Variants in SEPTIN11 observed in about 807,000 individuals in gnomAD.
The protein encoded by SEPTIN11 is septin-11.
Under a neutral mutation model 51.4 loss-of-function variants are expected in SEPTIN11, and 25 were observed. The ratio of observed to expected loss-of-function variants is 0.49; its 90% CI spans 0.35 to 0.68. The LOEUF (loss-of-function observed/expected upper bound fraction) is 0.68, where lower values mean the gene tolerates loss of function less well. Among genes scored for constraint, SEPTIN11 ranks in the 30% least tolerant of loss-of-function variants. The pLI is 0.00. For missense variants in SEPTIN11, 381 were observed against 520.8 expected, an observed-to-expected ratio of 0.73 and a Z score of 2.61; for synonymous variants, 174 against 184.1, an observed-to-expected ratio of 0.95 and a Z score of 0.44.
intron 1 of SEPTIN11, among the ~76,000 whole-genome samples, chr4:76,950,666 G>A (rs1314525516): frequency 6.6e-6 from 1 of 152,136 alleles, no homozygotes; most frequent in Non-Finnish European, 1.5e-5. Flanking sequence ...AGGGAGGAGA[G>A]TAGGAGGGAG....
chr4:77,028,865 G>T, intron 8 of SEPTIN11, 104 bp downstream of exon 8: 2 of 1,272,864 alleles, frequency 1.6e-6, no homozygotes, highest in Non-Finnish European at 2.1e-6. Context: ...CTTTCTACAT[G>T]CATTTTGTCA....
At chr4:77,021,423 C>G (rs1410824187) in intron 7 of SEPTIN11, 1 of 152,632 alleles carries the variant, frequency 6.6e-6, no homozygotes, top group African/African-American at 2.4e-5. Context: ...AGGTTCACCA[C>G]CTCCTGGTCG....
intron 7 of SEPTIN11, among the ~76,000 whole-genome samples, chr4:77,025,544 C>CA (rs200938790): frequency 0.063 from 8,294 of 131,222 alleles, 286 homozygotes; most frequent in East Asian, 0.17. Context: ...GAACCTGTCT[C>CA]AAAAAAAAAA....
intron 2 of SEPTIN11, among the ~76,000 whole-genome samples, chr4:76,997,079 G>A (rs1723780725): frequency 6.6e-6 from 1 of 151,940 alleles, no homozygotes; most frequent in Non-Finnish European, 1.5e-5. Flanking sequence ...ACTAAGAAGA[G>A]GAAGGTGGAA....
intron 1 of SEPTIN11, among the ~76,000 whole-genome samples, chr4:76,956,680 C>G (rs537837708): frequency 6.6e-6 from 1 of 152,258 alleles, no homozygotes; most frequent in Admixed American, 6.5e-5. Flanking sequence ...TGGGTCACTT[C>G]CATGCAGATT....
At chr4:77,032,276 G>A (rs529755766) in intron 9 of SEPTIN11, 4 of 152,338 alleles carry the variant, frequency 2.6e-5, no homozygotes, top group Admixed American at 2.6e-4. Flanking sequence ...AATTGAAATG[G>A]TTGTGATTTT....
At chr4:76,978,639 C>T (rs575087527) in intron 1 of SEPTIN11, among the ~76,000 whole-genome samples, 58 of 152,288 alleles carry the variant, frequency 3.8e-4, no homozygotes, top group Admixed American at 3.6e-3. Context: ...GGAATAATAA[C>T]GGTGCACACC....
intron 1 of SEPTIN11, among the ~76,000 whole-genome samples, chr4:76,981,689 G>A (rs1236317390): frequency 6.6e-6 from 1 of 152,118 alleles, no homozygotes; most frequent in African/African-American, 2.4e-5. Context: ...TAGAATGGCT[G>A]AACTTGTAGC....
chr4:77,038,213 A>AT lies in SEPTIN11; in HGVS notation c.*3707dup. On this transcript the variant is annotated 3_prime_UTR_variant, in exon 10 of 10. Coordinates refer to ENST00000264893, the MANE Select transcript of SEPTIN11 (RefSeq NM_018243.4). Reference sequence around the variant, plus strand: ...TAGTTTGTATGTAGGTATGAAGGGAATTTTTTAAATAAATTGAAAAGCTGT... The same window carrying AT: ...TAGTTTGTATGTAGGTATGAAGGGAATTTTTTTAAATAAATTGAAAAGCTGT... 2.0e-6 allele frequency: 2 copies of AT among 985,696 alleles called. No homozygotes were observed. Among genetic ancestry groups the AT allele is most frequent in the Non-Finnish European group, 2.4e-6 (2 of 829,770 alleles). The allele number at this position is 985,696 out of a possible 1,614,324, so 61.1% of individuals were successfully genotyped here. A position where few individuals can be genotyped will look rare whatever the true frequency, so the allele number is the denominator to read the frequency against.
chr4:76,983,961 C>T (rs754735585), intron 1 of SEPTIN11, among the ~76,000 whole-genome samples: 4 of 151,984 alleles, frequency 2.6e-5, no homozygotes, highest in African/African-American at 4.8e-5. Context: ...GAGCCGAGAT[C>T]GCGCTATTGC....
chr4:76,977,192 C>G (rs774271036), intron 1 of SEPTIN11, among the ~76,000 whole-genome samples: 2 of 151,158 alleles, frequency 1.3e-5, no homozygotes, highest in Non-Finnish European at 2.9e-5. Context: ...AATGCTCTCC[C>G]CTTTGTTACA....
At chr4:77,000,845 A>C (rs1004507496) in intron 2 of SEPTIN11, among the ~76,000 whole-genome samples, 1 of 152,208 alleles carries the variant, frequency 6.6e-6, no homozygotes, top group African/African-American at 2.4e-5. Context: ...ATGAGGAACA[A>C]GAACAACGCA....
At chr4:76,994,847 G>A (rs1293092347) in intron 1 of SEPTIN11, among the ~76,000 whole-genome samples, 1 of 145,276 alleles carries the variant, frequency 6.9e-6, no homozygotes. Flanking sequence ...CATAAAAATA[G>A]GATGATGAAA....
intron 1 of SEPTIN11, chr4:76,972,371 C>T (rs1331069132): frequency 6.6e-6 from 1 of 152,128 alleles, no homozygotes; most frequent in African/African-American, 2.4e-5. Context: ...ACTGTTTTGT[C>T]TTTTGCTTGG....
intron 1 of SEPTIN11, among the ~76,000 whole-genome samples, chr4:76,978,023 T>C (rs1025191200): frequency 6.6e-6 from 1 of 152,196 alleles, no homozygotes; most frequent in African/African-American, 2.4e-5. Flanking sequence ...CTTTGGTTGA[T>C]TTTTCTCTGC....
chr4:77,029,419 C>A (rs1361043850), intron 8 of SEPTIN11, among the ~76,000 whole-genome samples: 1 of 152,028 alleles, frequency 6.6e-6, no homozygotes, highest in Non-Finnish European at 1.5e-5. Context: ...AAGTGTTTGA[C>A]CAATGTCTCT....
chr4:77,037,166 A>G lies in SEPTIN11; in HGVS notation c.*2654A>G, dbSNP rs577219353. On this transcript the variant is annotated 3_prime_UTR_variant, in exon 10 of 10. Coordinates refer to ENST00000264893, the MANE Select transcript of SEPTIN11 (RefSeq NM_018243.4). ...CACTTGAGGCCTGGAGTTCAAGACC[A>G]CCTTGGCGAACACGGTGAAACCCCG... The G allele has an allele frequency of 1.2e-4, 89 of 717,524 alleles. 2 individuals carry two copies. The Middle Eastern group carries it at 3.6e-3, about 29-fold the overall frequency. The allele number at this position is 717,524 out of a possible 1,614,324, so 44.4% of individuals were successfully genotyped here.
intron 4 of SEPTIN11, among the ~76,000 whole-genome samples, chr4:77,014,414 G>T (rs1163391248): frequency 6.6e-6 from 1 of 152,156 alleles, no homozygotes; most frequent in Non-Finnish European, 1.5e-5. Flanking sequence ...GATGGGAGGG[G>T]TCTAAAAGGA....
Position 77,035,898 on chromosome 4 carries a change from C to T in SEPTIN11, c.*1386C>T. ...TTCCCCTCTACTAACAAGATCCTCC[C>T]AGCTTTCTCTCTACATGTAGAAAGG... On this transcript the variant is annotated 3_prime_UTR_variant, in exon 10 of 10. Coordinates refer to ENST00000264893, the MANE Select transcript of SEPTIN11 (RefSeq NM_018243.4). 2.0e-6 allele frequency: 2 copies of T among 985,870 alleles called. No individual in the cohort carries two copies. Among genetic ancestry groups the T allele is most frequent in the Non-Finnish European group, 2.4e-6 (2 of 829,932 alleles). 61.1% of individuals were successfully genotyped at this position (985,870 alleles called of 1,614,324 possible).
Sources: allele counts gnomAD v4.1 joint callset (sites outside exome capture counted in the v4.1 genomes callset), GRCh38; gene constraint gnomAD v4.1.1; transcripts MANE v1.5; gene names NCBI Gene and HGNC (gene_info 2026-07-23, HGNC 2026-07-21).